ITGAD: variants seen among roughly 807,000 people sequenced by gnomAD.
The protein encoded by ITGAD is integrin alpha-D.
ITGAD carries 105 observed loss-of-function variants against 139.0 expected under a neutral mutation model. That is an observed-to-expected ratio of 0.76 (90% CI 0.65 to 0.89). The LOEUF (loss-of-function observed/expected upper bound fraction) is 0.89, where lower values mean the gene tolerates loss of function less well. Ranked by LOEUF, ITGAD falls within the 40% of genes least tolerant of loss-of-function variation. The pLI is 0.00. For synonymous variants in ITGAD, 569 were observed against 598.3 expected (o/e 0.95, Z 0.71); for missense variants, 1,384 against 1,487.3 (o/e 0.93, Z 1.14).
At position 31,414,570 on chromosome 16, in the gene ITGAD, G is replaced by A. The variant is rs75216124; in HGVS notation, c.2116G>A (p.Gly706Arg). ...TLTRRKTLGL[G>R]IHCETLKLLL... ...GACTCGAAGAAAAACCCTGGGACTG[G>A]GGATTCACTGTGAAACCCTGAAGCT... The change falls in exon 17 of 30, where the codon GGG becomes AGG. Residue 706 changes from glycine (G) to arginine (R), a missense_variant. Coordinates refer to ENST00000389202, the MANE Select transcript of ITGAD (RefSeq NM_005353.3). 1,412 of 1,614,186 alleles carry A rather than the reference G, an allele frequency of 8.7e-4. 9 individuals carry two copies. The African/African-American group carries it at 0.017, about 19-fold the overall frequency.
At chr16:31,402,092 G>A (rs372858701) in intron 5 of ITGAD, 23 bp from the exon 6 acceptor site, 36 of 1,609,830 alleles carry the variant, frequency 2.2e-5, no homozygotes, top group Middle Eastern at 1.7e-4. Context: ...GTGCATCTCC[G>A]ATTCCTCCCC....
chr16:31,417,411 C>A (rs955212774), intron 20 of ITGAD, among the ~76,000 whole-genome samples: 3 of 151,584 alleles, frequency 2.0e-5, no homozygotes, highest in South Asian at 2.1e-4. Context: ...TTAAGAAACA[C>A]TTCCAGGTTA....
Position 31,403,677 on chromosome 16 carries a change from G to A in ITGAD, c.704+32G>A. 13 of 1,613,328 alleles carry A rather than the reference G, an allele frequency of 8.1e-6. No homozygotes were observed. Among genetic ancestry groups the A allele is most frequent in the Non-Finnish European group, 9.3e-6 (11 of 1,179,510 alleles). On this transcript the variant is annotated intron_variant, in intron 7 of 29. Transcript: ENST00000389202. The surrounding 1 kb of genome is among the most constrained non-coding windows in gnomAD (Gnocchi z 4.4). ...AACCCCGACCCCAGCCTGGCGATGTGACTGCCACCCCCACTTCCTAACCCT... is the reference window on the plus strand; with the variant it reads ...AACCCCGACCCCAGCCTGGCGATGTAACTGCCACCCCCACTTCCTAACCCT...
At chr16:31,397,556 T>C (rs375873553) in intron 3 of ITGAD, 40 bp from the exon 4 acceptor site, 21 of 1,602,618 alleles carry the variant, frequency 1.3e-5, no homozygotes, top group Non-Finnish European at 1.8e-5. Flanking sequence ...CGCAAATGAG[T>C]GTGTGCTGTG....
chr16:31,411,584 C>A, intron 14 of ITGAD, 67 bp downstream of exon 14: 1 of 1,451,794 alleles, frequency 6.9e-7, no homozygotes, highest in Non-Finnish European at 9.6e-7. Flanking sequence ...CTGAACGCAG[C>A]CTCCTGTCTC....
chr16:31,412,942 G>T lies in ITGAD; in HGVS notation c.1812G>T (p.Gly604=), dbSNP rs770222466. ...TQDGLMDLAV[G]ARGQVLLLRS... ...ATGGACTGATGGACCTGGCCGTGGG[G>T]GCCCGGGGCCAGGTGCTCCTGCTCA... The change falls in exon 15 of 30, where the codon GGG becomes GGT. Residue 604 remains glycine (G), a synonymous_variant. Coordinates refer to ENST00000389202, the MANE Select transcript of ITGAD (RefSeq NM_005353.3). The T allele has an allele frequency of 6.2e-7, 1 of 1,610,242 alleles. No homozygotes were observed. Among genetic ancestry groups the T allele is most frequent in the South Asian group, 1.1e-5 (1 of 90,638 alleles).
intron 8 of ITGAD, 42 bp from the exon 9 acceptor site, chr16:31,407,724 G>A (rs1357967841): frequency 1.2e-6 from 2 of 1,613,454 alleles, no homozygotes. Context: ...TTCAGGTGCA[G>A]TGCTGCTGGG....
chr16:31,410,824 C>A lies in ITGAD; in HGVS notation c.1302C>A (p.Ile434=). The A allele has an allele frequency of 6.2e-7, 1 of 1,613,776 alleles. No homozygotes were observed. The highest frequency in any genetic ancestry group is 8.5e-7 in the Non-Finnish European group (1 of 1,179,922). ...PRYQHTGKAV[I]FTQVSRQWRK... is the part of the protein sequence containing the mutation. ...ACCAGCATACCGGGAAGGCTGTCATCTTCACCCAGGTGTCCAGGCAATGGA... is the reference window on the plus strand; with the variant it reads ...ACCAGCATACCGGGAAGGCTGTCATATTCACCCAGGTGTCCAGGCAATGGA... The change falls in exon 12 of 30, where the codon ATC becomes ATA. Residue 434 remains isoleucine, a synonymous_variant. Coordinates refer to ENST00000389202, the MANE Select transcript of ITGAD (RefSeq NM_005353.3).
In ITGAD at chr16:31,403,726, G is replaced by A; in HGVS notation, c.704+81G>A. ...CTGGGTCAGCACAGCTCTTCTCAGA[G>A]GCTGAGGGAGGCTCCAGGGAAAGGG... is the stretch of plus-strand genomic sequence containing the variant. On this transcript the variant is annotated intron_variant, in intron 7 of 29. Transcript: ENST00000389202. The surrounding 1 kb of genome is among the most constrained non-coding windows in gnomAD (Gnocchi z 4.4). 1 of 1,535,732 alleles carries A rather than the reference G, an allele frequency of 6.5e-7. No individual in the cohort carries two copies. Among genetic ancestry groups the A allele is most frequent in the Non-Finnish European group, 8.9e-7 (1 of 1,121,150 alleles).
intron 23 of ITGAD, among the ~76,000 whole-genome samples, chr16:31,419,672 G>T (rs989633492): frequency 6.6e-6 from 1 of 151,972 alleles, no homozygotes; most frequent in Non-Finnish European, 1.5e-5. Context: ...TTAGCCAGGC[G>T]CAGTGGCACA....
intron 18 of ITGAD, among the ~76,000 whole-genome samples, chr16:31,415,676 C>T (rs2081867232): frequency 6.6e-6 from 1 of 152,156 alleles, no homozygotes; most frequent in Non-Finnish European, 1.5e-5. Flanking sequence ...AAAACAGTGC[C>T]TTCTGCCTTC....
chr16:31,400,703 C>G (rs2081382022), intron 5 of ITGAD, among the ~76,000 whole-genome samples: 1 of 152,164 alleles, frequency 6.6e-6, no homozygotes, highest in African/African-American at 2.4e-5. Flanking sequence ...CTCCCAGGTT[C>G]AAGTGATTCT....
In ITGAD at chr16:31,415,098, C is replaced by A. The variant is rs998791936; in HGVS notation, c.2283+107C>A. ...CACCCAACCACATCCAGTCCAGAAACCTGACTCCAGTCTCTCCCTTCCTCC... is the reference window on the plus strand; with the variant it reads ...CACCCAACCACATCCAGTCCAGAAAACTGACTCCAGTCTCTCCCTTCCTCC... On this transcript the variant is annotated intron_variant, in intron 18 of 29. Coordinates refer to ENST00000389202, the MANE Select transcript of ITGAD (RefSeq NM_005353.3). 8.3e-6 allele frequency: 11 copies of A among 1,322,440 alleles called. No individual in the cohort carries two copies. The Admixed American group carries it at 1.7e-4, about 20-fold the overall frequency. 81.9% of individuals were successfully genotyped at this position (1,322,440 alleles called of 1,614,324 possible).
chr16:31,406,175 A>G (rs2081536412), intron 7 of ITGAD, among the ~76,000 whole-genome samples: 1 of 152,064 alleles, frequency 6.6e-6, no homozygotes, highest in Non-Finnish European at 1.5e-5. Context: ...CCCAGGTTCA[A>G]ACAATTCTCC....
At chr16:31,408,286 T>C (rs2081590953) in intron 9 of ITGAD, 139 bp from the exon 10 acceptor site, 3 of 722,042 alleles carry the variant, frequency 4.2e-6, no homozygotes, top group East Asian at 5.3e-5. Context: ...CCGCACAGTC[T>C]TGATGGGCCA....
In ITGAD at chr16:31,396,529, A is replaced by G. The variant is rs145044568; in HGVS notation, c.138-830A>G. On this transcript the variant is annotated intron_variant, in intron 2 of 29. Coordinates refer to ENST00000389202, the MANE Select transcript of ITGAD (RefSeq NM_005353.3). The stretch of plus-strand genomic sequence containing the variant: ...AGTTTTGCTCATCGTTTGTATCAGC[A>G]GGTTCCAAACTGCTACCTCTCTAGC... Among the ~76,000 whole-genome samples the G allele has an allele frequency of 5.9e-5, 9 of 152,332 alleles. No homozygotes were observed. In the East Asian group the frequency reaches 1.7e-3, roughly 29 times the overall value.
At chr16:31,402,033 C>A in intron 5 of ITGAD, 82 bp from the exon 6 acceptor site, 1 of 1,496,434 alleles carries the variant, frequency 6.7e-7, no homozygotes, top group South Asian at 1.2e-5. Context: ...CAAGAACAGC[C>A]CCCGGGCTCT....
intron 25 of ITGAD, 33 bp downstream of exon 25, chr16:31,423,492 G>C (rs749516377): frequency 1.9e-6 from 3 of 1,606,182 alleles, no homozygotes; most frequent in Non-Finnish European, 2.6e-6. Context: ...TCTTCAGACT[G>C]ACATCCCACA....
chr16:31,411,605 C>T (rs2081718384), intron 14 of ITGAD, 88 bp downstream of exon 14: 2 of 1,278,202 alleles, frequency 1.6e-6, no homozygotes, highest in Non-Finnish European at 2.3e-6. Context: ...TGTCACCATT[C>T]CCTTCCTTGT....
Sources: allele counts gnomAD v4.1 joint callset (sites outside exome capture counted in the v4.1 genomes callset), GRCh38; gene constraint gnomAD v4.1.1; non-coding constraint Gnocchi (gnomAD v3.1); transcripts MANE v1.5; gene names NCBI Gene and HGNC (gene_info 2026-07-23, HGNC 2026-07-21).